Variants in NDC80 observed in about 807,000 individuals in gnomAD.
NDC80 encodes the protein kinetochore protein NDC80 homolog.
Under a neutral mutation model 89.3 loss-of-function variants are expected in NDC80, and 69 were observed. The ratio of observed to expected loss-of-function variants is 0.77; its 90% confidence interval spans 0.64 to 0.94. The LOEUF (loss-of-function observed/expected upper bound fraction) is 0.94, where lower values mean the gene tolerates loss of function less well. Ranked by LOEUF, NDC80 falls within the 40% of genes least tolerant of loss-of-function variation. The pLI is 0.00. For missense variants in NDC80, 593 were observed against 739.6 expected, an observed-to-expected ratio of 0.80 and a Z score of 2.30; for synonymous variants, 243 against 255.6, an observed-to-expected ratio of 0.95 and a Z score of 0.47.
chr18:2,593,056 CTT>C (rs764064487), intron 10 of NDC80, among the ~76,000 whole-genome samples: 2 of 65,058 alleles, frequency 3.1e-5, no homozygotes, highest in Non-Finnish European at 6.4e-5. Flanking sequence ...GTGTGTGTGT[CTT>C]TTTTTTTTTT....
At chr18:2,599,195 A>G in intron 12 of NDC80, 24 bp downstream of exon 12, 2 of 1,582,096 alleles carry the variant, frequency 1.3e-6, no homozygotes, top group East Asian at 2.3e-5. Context: ...ACTACTTTTA[A>G]GATTTTTTTA....
chr18:2,577,722 G>A lies in NDC80; in HGVS notation c.180-24G>A, dbSNP rs1266404939. 2.5e-6 allele frequency: 4 copies of A among 1,609,746 alleles called. No homozygotes were observed. The South Asian group carries it at 4.4e-5, about 18-fold the overall frequency. The stretch of plus-strand genomic sequence containing the variant: ...ATCACAGAAGCAAATAGTTTTAACT[G>A]GCTGTTTAAAAATATATTTCCAGAA... On this transcript the variant is annotated intron_variant, in intron 3 of 16. Coordinates refer to ENST00000261597, the MANE Select transcript of NDC80 (RefSeq NM_006101.3).
rs2072597763 is a variant in NDC80 at position 2,585,211 on chromosome 18, T to A, written c.669+9T>A. 2 of 1,589,374 alleles carry A rather than the reference T, an allele frequency of 1.3e-6. No individual in the cohort carries two copies. The highest frequency in any genetic ancestry group is 1.1e-5 in the South Asian group (1 of 90,600). ...GAATTATGCATAATAAGGTACCATG[T>A]ATTATCATAAACTGTAATAATGAAT... is the stretch of plus-strand genomic sequence containing the variant. On this transcript the variant is annotated intron_variant, in intron 7 of 16. Coordinates refer to ENST00000261597, the MANE Select transcript of NDC80 (RefSeq NM_006101.3).
At chr18:2,602,546 T>C (rs769654080) in intron 13 of NDC80, among the ~76,000 whole-genome samples, 1 of 152,126 alleles carries the variant, frequency 6.6e-6, no homozygotes, top group Non-Finnish European at 1.5e-5. Context: ...TTGATTTCTG[T>C]TTTTTGCTGT....
At chr18:2,603,701 A>G (rs1188115067) in intron 13 of NDC80, among the ~76,000 whole-genome samples, 2 of 152,156 alleles carry the variant, frequency 1.3e-5, no homozygotes, top group African/African-American at 4.8e-5. Flanking sequence ...TATAGTATAA[A>G]CAGAAATTTA....
Position 2,578,915 on chromosome 18 carries a change from G to C in NDC80, c.477-12G>C. The C allele has an allele frequency of 1.4e-6, 2 of 1,407,766 alleles. No homozygotes were observed. Among genetic ancestry groups the C allele is most frequent in the Non-Finnish European group, 1.9e-6 (2 of 1,052,214 alleles). 87.2% of individuals were successfully genotyped at this position (1,407,766 alleles called of 1,614,324 possible). On this transcript the variant is annotated splice_polypyrimidine_tract_variant and intron_variant, in intron 5 of 16. Coordinates refer to ENST00000261597, the MANE Select transcript of NDC80 (RefSeq NM_006101.3). The stretch of plus-strand genomic sequence containing the variant: ...ACATTAAATTAGCTTATGTTTTTCT[G>C]ATTTCTCATAGGTATCCTTTTGCAC...
intron 6 of NDC80, among the ~76,000 whole-genome samples, chr18:2,580,197 T>G (rs543646691): frequency 3.7e-4 from 56 of 152,238 alleles, no homozygotes; most frequent in Admixed American, 3.4e-3. Flanking sequence ...AAGGTGAATT[T>G]TTTACATTTA....
At chr18:2,580,531 G>A (rs1406340501) in intron 6 of NDC80, among the ~76,000 whole-genome samples, 4 of 152,020 alleles carry the variant, frequency 2.6e-5, no homozygotes, top group Non-Finnish European at 4.4e-5. Flanking sequence ...CAGGCACTGG[G>A]TATATGGATT....
At position 2,585,181 on chromosome 18, in the gene NDC80, A is replaced by G. The variant is rs146077109; in HGVS notation, c.648A>G (p.Glu216=). ...GGCAGCCTTGGGGAGAAGAAACTGAAGATGGAATTATGCATAATAAGGTAC... is the reference window on the plus strand; with the variant it reads ...GGCAGCCTTGGGGAGAAGAAACTGAGGATGGAATTATGCATAATAAGGTAC... ...DDGQPWGEET[E]DGIMHNKLFL... The change falls in exon 7 of 17, where the codon GAA becomes GAG. Residue 216 remains glutamate, a synonymous_variant. Coordinates refer to ENST00000261597, the MANE Select transcript of NDC80 (RefSeq NM_006101.3). 54 of 1,612,652 alleles carry G rather than the reference A, an allele frequency of 3.3e-5. No individual in the cohort carries two copies. The African/African-American group carries it at 6.8e-4, about 20-fold the overall frequency.
chr18:2,603,045 G>A (rs1034077419), intron 13 of NDC80, among the ~76,000 whole-genome samples: 2 of 152,068 alleles, frequency 1.3e-5, no homozygotes, highest in African/African-American at 4.8e-5. Flanking sequence ...ACCTAAAGGA[G>A]GAAAACTTAA....
chr18:2,605,937 T>C (rs11664716), intron 13 of NDC80, among the ~76,000 whole-genome samples: 27,032 of 152,070 alleles, frequency 0.18, 2,906 homozygotes, highest in South Asian at 0.3. Flanking sequence ...TAAATGTGGT[T>C]ACCTTATTAC....
At chr18:2,595,305 A>G in intron 10 of NDC80, 111 bp from the exon 11 acceptor site, 1 of 412,822 alleles carries the variant, frequency 2.4e-6, no homozygotes, top group South Asian at 2.7e-5. Context: ...ATATATATAC[A>G]CACATATATA....
chr18:2,598,437 TAAAAC>T (rs1465368006), intron 11 of NDC80, among the ~76,000 whole-genome samples: 1 of 151,854 alleles, frequency 6.6e-6, no homozygotes, highest in African/African-American at 2.4e-5. Flanking sequence ...TGAAGAAAAA[TAAAAC>T]AAAATAAGCA....
chr18:2,584,373 A>G (rs2072594089), intron 6 of NDC80, among the ~76,000 whole-genome samples: 1 of 151,084 alleles, frequency 6.6e-6, no homozygotes, highest in African/African-American at 2.4e-5. Flanking sequence ...TATATCTAGT[A>G]TATCTGTGTT....
rs1568010172 is a variant in NDC80 at position 2,605,270 on chromosome 18, ATGTATGTGTGTGTGTGTGTG to A, written c.1465-1141_1465-1122del. On this transcript the variant is annotated intron_variant, in intron 13 of 16. Coordinates refer to ENST00000261597, the MANE Select transcript of NDC80 (RefSeq NM_006101.3). ...AGGCAATTGGAGTCGGGCGGGCTAT[ATGTATGTGTGTGTGTGTGTG>A]TGTGTGTGTGTGTGTGTGTGTGTGT... 1.5e-3 allele frequency among the ~76,000 whole-genome samples: 145 copies of A among 98,206 alleles called. 1 individual carries two copies. The highest frequency in any genetic ancestry group is 5.1e-3 in the African/African-American group (133 of 26,268). 64.4% of individuals were successfully genotyped at this position (98,206 alleles called of 152,430 possible). A position where few individuals can be genotyped will look rare whatever the true frequency, so the allele number is the denominator to read the frequency against.
chr18:2,590,172 GC>G lies in NDC80; in HGVS notation c.1015+11del, dbSNP rs1397382320. 6.4e-7 allele frequency: 1 copy of G among 1,567,530 alleles called. No homozygotes were observed. The highest frequency in any genetic ancestry group is 1.4e-5 in the African/African-American group (1 of 72,774). ...GAAATTGCTAGAGTAGGTAAGCAGA[GC>G]TAATGCTAAAAGACTGGGATGCGAA... On this transcript the variant is annotated intron_variant, in intron 10 of 16. Transcript: ENST00000261597.
intron 1 of NDC80, 130 bp from the exon 2 acceptor site, chr18:2,572,845 ACC>A: frequency 1.5e-6 from 1 of 645,226 alleles, no homozygotes; most frequent in Non-Finnish European, 2.7e-6. Flanking sequence ...AAAAAGAGAT[ACC>A]CCAGGGGAAA....
chr18:2,605,562 C>A lies in NDC80; in HGVS notation c.1465-853C>A, dbSNP rs79623144. Among the ~76,000 whole-genome samples the A allele has an allele frequency of 3.4e-3, 514 of 152,070 alleles. 3 individuals carry two copies. Among genetic ancestry groups the A allele is most frequent in the African/African-American group, 0.012 (490 of 41,486 alleles). On this transcript the variant is annotated intron_variant, in intron 13 of 16. Coordinates refer to ENST00000261597, the MANE Select transcript of NDC80 (RefSeq NM_006101.3). ...TGTTAGTTACTGCAGATATAACATA[C>A]CTTTAGAAAAAGTTCTTGGTGTTAG...
At chr18:2,606,304 GAAGA>G in intron 13 of NDC80, 107 bp from the exon 14 acceptor site, 1 of 599,032 alleles carries the variant, frequency 1.7e-6, no homozygotes. Context: ...AAAAGGACTA[GAAGA>G]AATAACATTG....
Sources: gnomAD v4.1 joint callset for allele counts (sites outside exome capture counted in the v4.1 genomes callset) on GRCh38, gnomAD v4.1.1 for gene constraint, MANE v1.5 for transcripts, NCBI Gene and HGNC (gene_info 2026-07-23, HGNC 2026-07-21) for gene names.